The following TIMP2 variants were observed in gnomAD, a reference collection of about 807,000 sequenced individuals.
TIMP2 encodes the protein TIMP metallopeptidase inhibitor 2.
In TIMP2, 5 loss-of-function variants were observed where a neutral mutation model predicts 24.3. That is an observed-to-expected ratio of 0.21 (90% CI 0.11 to 0.43). The LOEUF (loss-of-function observed/expected upper bound fraction) is 0.43, where lower values mean the gene tolerates loss of function less well. Among genes scored for constraint, TIMP2 ranks in the 20% least tolerant of loss-of-function variants. The pLI is 1.00. For synonymous variants in TIMP2, 130 were observed against 123.2 expected (o/e 1.06, Z -0.37); for missense variants, 221 against 297.5 (o/e 0.74, Z 1.89).
rs913990835 is a variant in TIMP2, at chr17:78,891,779, G to A, written c.131-17860C>T. 3.2e-6 allele frequency: 5 copies of A among 1,551,060 alleles called. No individual in the cohort carries two copies. In the African/African-American group the frequency reaches 6.8e-5, roughly 21 times the overall value. On this transcript the variant is annotated intron_variant, in intron 1 of 4. Coordinates refer to ENST00000262768, the MANE Select transcript of TIMP2 (RefSeq NM_003255.5). This position sits in a 1 kb window ranked among gnomAD's most constrained non-coding sequence, Gnocchi z 4.5. ...TAGGTCCGCCCCTTTGCTCCTCCGA[G>A]GATGGATGGCACAGCGGCCACCCCC...
chr17:78,861,855 A>C lies in TIMP2; in HGVS notation c.341-4209T>G, dbSNP rs1318350770. On this transcript the variant is annotated intron_variant, in intron 3 of 4. Transcript: ENST00000262768. ...TGACTTCAAGTGATCCACTGCGCCC[A>C]GCCAAAAAATTGTATCTTTTCAATG... Among the ~76,000 whole-genome samples the C allele has an allele frequency of 3.3e-5, 5 of 152,062 alleles. No homozygotes were observed. The South Asian group carries it at 1.0e-3, about 32-fold the overall frequency.
At chr17:78,923,603 C>T (rs1202385336) in intron 1 of TIMP2, among the ~76,000 whole-genome samples, 3 of 152,164 alleles carry the variant, frequency 2.0e-5, no homozygotes, top group African/African-American at 7.2e-5. Flanking sequence ...AGGAACCTCT[C>T]CTTCACCCAC....
chr17:78,885,334 C>T (rs779022412), intron 1 of TIMP2, among the ~76,000 whole-genome samples: 4 of 152,200 alleles, frequency 2.6e-5, no homozygotes, highest in Non-Finnish European at 4.4e-5. Context: ...GCAAAGTGTT[C>T]GGAGCAGGAG....
At chr17:78,917,326 A>T (rs1195063217) in intron 1 of TIMP2, among the ~76,000 whole-genome samples, 2 of 151,406 alleles carry the variant, frequency 1.3e-5, no homozygotes, top group African/African-American at 4.9e-5. Context: ...GCTACTCGGG[A>T]GGCTGAGGCA....
In TIMP2 at chr17:78,924,027, C is replaced by T. The variant is rs1453784665; in HGVS notation, c.130+932G>A. 6.6e-6 allele frequency among the ~76,000 whole-genome samples: 1 copy of T among 152,188 alleles called. No individual in the cohort carries two copies. The highest frequency in any genetic ancestry group is 1.5e-5 in the Non-Finnish European group (1 of 68,018). ...CCAGACTTGCCCCAGGAAAACCATG[C>T]TGACCAGCACCAGGGCTGCAGAGGC... On this transcript the variant is annotated intron_variant, in intron 1 of 4. Transcript: ENST00000262768. This position sits in a 1 kb window ranked among gnomAD's most constrained non-coding sequence, Gnocchi z 5.3.
At chr17:78,856,002 CGGTTCCTGCAGGGGCAGGCA>C in intron 4 of TIMP2, 138 bp from the exon 5 acceptor site, 1 of 887,124 alleles carries the variant, frequency 1.1e-6, no homozygotes, top group Admixed American at 2.1e-5. Context: ...CCGAGACCCA[CGGTTCCTGCAGGGGCAGGCA>C]GCTGGCCTGC....
At chr17:78,863,236 A>AT (rs1375135511) in intron 3 of TIMP2, among the ~76,000 whole-genome samples, 1 of 151,806 alleles carries the variant, frequency 6.6e-6, no homozygotes, top group Non-Finnish European at 1.5e-5. Context: ...GTTTATTTTT[A>AT]TTTTTTATTT....
intron 1 of TIMP2, among the ~76,000 whole-genome samples, chr17:78,882,767 C>A (rs2069790275): frequency 6.6e-6 from 1 of 152,376 alleles, no homozygotes; most frequent in Non-Finnish European, 1.5e-5. Context: ...CCCAACGGAA[C>A]TGCCCAGGGG....
chr17:78,880,991 T>C (rs8065599), intron 1 of TIMP2, among the ~76,000 whole-genome samples: 120,113 of 152,180 alleles, frequency 0.79, 47,769 homozygotes, highest in Admixed American at 0.83. Context: ...CTACGGGACG[T>C]GCTCAGGCAG....
At chr17:78,901,348 C>A (rs61676717) in intron 1 of TIMP2, 13,393 of 190,456 alleles carry the variant, frequency 0.07, 552 homozygotes, top group Middle Eastern at 0.11. Flanking sequence ...CTGTCCAGAA[C>A]TGTTCAAGAC....
At chr17:78,912,644 C>G (rs182571090) in intron 1 of TIMP2, among the ~76,000 whole-genome samples, 317 of 152,346 alleles carry the variant, frequency 2.1e-3, no homozygotes, top group Non-Finnish European at 3.4e-3. Context: ...CCCAGGCCAC[C>G]TGCTTGCTTC....
rs60709877 is a variant in TIMP2 at position 78,891,610 on chromosome 17, T to C, written c.131-17691A>G. ...CTCTCAGCTTCCCCTCCAGACTCTG[T>C]CCCTGAGAGCGACTGGTCAGGGCTG... On this transcript the variant is annotated intron_variant, in intron 1 of 4. Coordinates refer to ENST00000262768, the MANE Select transcript of TIMP2 (RefSeq NM_003255.5). This position sits in a 1 kb window ranked among gnomAD's most constrained non-coding sequence, Gnocchi z 4.5. 3,669 of 1,550,902 alleles carry C rather than the reference T, an allele frequency of 2.4e-3. 54 individuals carry two copies. The African/African-American group carries it at 0.042, about 18-fold the overall frequency.
rs1009471281 is a variant in TIMP2 at position 78,891,230 on chromosome 17, G to A, written c.131-17311C>T. 8.4e-6 allele frequency: 13 copies of A among 1,550,550 alleles called. No homozygotes were observed. Among genetic ancestry groups the A allele is most frequent in the African/African-American group, 5.5e-5 (4 of 73,042 alleles). On this transcript the variant is annotated intron_variant, in intron 1 of 4. Coordinates refer to ENST00000262768, the MANE Select transcript of TIMP2 (RefSeq NM_003255.5). This position sits in a 1 kb window ranked among gnomAD's most constrained non-coding sequence, Gnocchi z 4.5. ...TTGGTTCTGGGCCTTGCCCATGAAC[G>A]TTTTCAAGTCGGTCTTGGACGCTGC...
intron 1 of TIMP2, among the ~76,000 whole-genome samples, chr17:78,874,617 G>A (rs1006763428): frequency 6.6e-6 from 1 of 152,142 alleles, no homozygotes; most frequent in Non-Finnish European, 1.5e-5. Flanking sequence ...TCGCGCTGTT[G>A]CCCAGGCTGG....
chr17:78,865,516 C>T (rs1340145730), intron 3 of TIMP2, among the ~76,000 whole-genome samples: 7 of 151,282 alleles, frequency 4.6e-5, no homozygotes, highest in Middle Eastern at 3.2e-3. Context: ...CCCTGCTACT[C>T]GGAAGGCTGA....
At chr17:78,865,157 C>T (rs546328460) in intron 3 of TIMP2, among the ~76,000 whole-genome samples, 33 of 152,106 alleles carry the variant, frequency 2.2e-4, no homozygotes, top group Non-Finnish European at 3.1e-4. Flanking sequence ...TATGACTCTA[C>T]CTGTACGAGG....
chr17:78,901,459 C>T lies in TIMP2; in HGVS notation c.130+23500G>A, dbSNP rs1006764530. 7.2e-5 allele frequency among the ~76,000 whole-genome samples: 11 copies of T among 151,942 alleles called. No homozygotes were observed. The Middle Eastern group carries it at 0.017, about 235-fold the overall frequency. On this transcript the variant is annotated intron_variant, in intron 1 of 4. Coordinates refer to ENST00000262768, the MANE Select transcript of TIMP2 (RefSeq NM_003255.5). ...CGGGAGAGGAGGAGGGCGGTAAGGA[C>T]GGGGAGAAGAGGCCGCAGGCTTGGA...
intron 1 of TIMP2, among the ~76,000 whole-genome samples, chr17:78,882,429 A>G (rs2069787912): frequency 6.6e-6 from 1 of 152,184 alleles, no homozygotes; most frequent in Non-Finnish European, 1.5e-5. Context: ...ATGTCCAGTA[A>G]CACAGCTGTG....
chr17:78,861,801 C>T (rs1335685358), intron 3 of TIMP2, among the ~76,000 whole-genome samples: 1 of 152,060 alleles, frequency 6.6e-6, no homozygotes. Context: ...CACGGTTTCA[C>T]CATGTTGGCT....
Sources: gnomAD v4.1 joint callset for allele counts (sites outside exome capture counted in the v4.1 genomes callset) on GRCh38, gnomAD v4.1.1 for gene constraint, Gnocchi (gnomAD v3.1) non-coding constraint, MANE v1.5 for transcripts, NCBI Gene and HGNC (gene_info 2026-07-23, HGNC 2026-07-21) for gene names.